DDX10: variants seen among roughly 807,000 people sequenced by gnomAD.
DDX10 encodes probable ATP-dependent RNA helicase DDX10.
Under a neutral mutation model 104.3 loss-of-function variants are expected in DDX10, and 74 were observed. The observed-to-expected ratio is 0.71, with a 90% CI of 0.59 to 0.86. The LOEUF is 0.86. Ranked by LOEUF, DDX10 falls within the 40% of genes least tolerant of loss-of-function variation. The pLI is 0.00. For synonymous variants in DDX10, 351 were observed against 353.4 expected (o/e 0.99, Z 0.08); for missense variants, 952 against 1,040.0 (o/e 0.92, Z 1.16).
At chr11:108,671,041 G>C (rs1421972516) in intron 1 of DDX10, among the ~76,000 whole-genome samples, 1 of 152,144 alleles carries the variant, frequency 6.6e-6, no homozygotes, top group South Asian at 2.1e-4. Flanking sequence ...CTTTAATAAG[G>C]ACCATCCCTG....
At chr11:108,692,127 A>C (rs1339496465) in intron 8 of DDX10, 89 bp downstream of exon 8, 1 of 1,200,632 alleles carries the variant, frequency 8.3e-7, no homozygotes, top group Non-Finnish European at 1.1e-6. Context: ...GATAGACTCA[A>C]ACACTTGGGT....
At chr11:108,897,101 T>C (rs1863451914) in intron 16 of DDX10, among the ~76,000 whole-genome samples, 1 of 152,102 alleles carries the variant, frequency 6.6e-6, no homozygotes, top group Non-Finnish European at 1.5e-5. Flanking sequence ...TCCAAGTGAC[T>C]CAACACCAAA....
intron 13 of DDX10, among the ~76,000 whole-genome samples, chr11:108,792,256 T>G (rs1261865459): frequency 6.6e-6 from 1 of 152,174 alleles, no homozygotes; most frequent in Non-Finnish European, 1.5e-5. Context: ...AAGCACAAAG[T>G]TTTTAATTTT....
intron 16 of DDX10, among the ~76,000 whole-genome samples, chr11:108,886,831 T>A (rs1401865624): frequency 6.6e-6 from 1 of 152,212 alleles, no homozygotes; most frequent in African/African-American, 2.4e-5. Flanking sequence ...CTAATCTCAT[T>A]CATGACTGAT....
At position 108,723,161 on chromosome 11, in the gene DDX10, A is replaced by G; in HGVS notation, c.1664A>G (p.Lys555Arg). The G allele has an allele frequency of 6.2e-7, 1 of 1,613,906 alleles. No individual in the cohort carries two copies. The highest frequency in any genetic ancestry group is 8.5e-7 in the Non-Finnish European group (1 of 1,179,904). ...VEEFRAYFNE[K>R]MSILQKGGKR... The stretch of plus-strand genomic sequence containing the variant: ...GAATTTAGAGCCTACTTCAATGAGA[A>G]AATGTCCATCCTTCAAAAAGGTGGA... Residue 555 changes from lysine to arginine, a missense_variant, in exon 13 of 18, where the codon AAA becomes AGA. By Grantham distance (26) the Lys-to-Arg change is conservative. Around this residue, in one of 3 missense-constraint regions of DDX10, gnomAD observed 533 missense variants for 534.1 expected, o/e 1.00. Coordinates refer to ENST00000322536, the MANE Select transcript of DDX10 (RefSeq NM_004398.4).
At chr11:108,783,821 C>G (rs1861745908) in intron 13 of DDX10, among the ~76,000 whole-genome samples, 1 of 152,166 alleles carries the variant, frequency 6.6e-6, no homozygotes. Flanking sequence ...TTTCCTCTCT[C>G]CCGCATTTAG....
At chr11:108,908,240 CTA>C (rs1863622793) in intron 16 of DDX10, among the ~76,000 whole-genome samples, 2 of 152,108 alleles carry the variant, frequency 1.3e-5, no homozygotes, top group South Asian at 4.1e-4. Context: ...AATTTAAAAA[CTA>C]TGAAGAATTA....
chr11:108,904,303 A>G (rs964406529), intron 16 of DDX10, among the ~76,000 whole-genome samples: 6 of 152,178 alleles, frequency 3.9e-5, no homozygotes, highest in East Asian at 1.9e-4. Context: ...CATTCCATTC[A>G]GTGGTATCAA....
intron 16 of DDX10, among the ~76,000 whole-genome samples, chr11:108,907,942 A>G (rs2134654832): frequency 6.6e-6 from 1 of 152,386 alleles, no homozygotes; most frequent in South Asian, 2.1e-4. Flanking sequence ...TGATGGGGCC[A>G]GGCTGTTAAA....
At chr11:108,800,679 A>G (rs1358239541) in intron 13 of DDX10, among the ~76,000 whole-genome samples, 1 of 152,140 alleles carries the variant, frequency 6.6e-6, no homozygotes, top group African/African-American at 2.4e-5. Context: ...ATGGGAAACT[A>G]TTGTTTCCCA....
intron 13 of DDX10, among the ~76,000 whole-genome samples, chr11:108,788,199 T>G (rs1354128896): frequency 1.3e-5 from 2 of 152,186 alleles, no homozygotes; most frequent in Non-Finnish European, 2.9e-5. Context: ...ACACACTGGC[T>G]TTTTGAGTTG....
intron 13 of DDX10, among the ~76,000 whole-genome samples, chr11:108,796,400 A>C (rs1225836754): frequency 6.6e-6 from 1 of 152,012 alleles, no homozygotes; most frequent in African/African-American, 2.4e-5. Flanking sequence ...CAGATTTATT[A>C]TTTTTCTTCC....
chr11:108,859,457 A>AAT (rs397788670), intron 16 of DDX10, among the ~76,000 whole-genome samples: 1 of 151,632 alleles, frequency 6.6e-6, no homozygotes, highest in Non-Finnish European at 1.5e-5. Flanking sequence ...GTAAAAAAAA[A>AAT]GGGCTGTGTG....
chr11:108,935,371 G>T (rs1864023713), intron 17 of DDX10, among the ~76,000 whole-genome samples: 2 of 152,128 alleles, frequency 1.3e-5, no homozygotes, highest in South Asian at 2.1e-4. Context: ...ACAGAGGCAG[G>T]CTTATACCAG....
chr11:108,838,670 A>G (rs1392636057), intron 14 of DDX10, 105 bp downstream of exon 14: 2 of 1,312,592 alleles, frequency 1.5e-6, no homozygotes, highest in Admixed American at 2.4e-5. Context: ...ATGTTTCTCT[A>G]CAGCATGCTG....
chr11:108,666,229 A>T (rs2094209931), intron 1 of DDX10, among the ~76,000 whole-genome samples: 1 of 152,172 alleles, frequency 6.6e-6, no homozygotes, highest in African/African-American at 2.4e-5. Flanking sequence ...ACAAATTACC[A>T]CAAACTTGGC....
At chr11:108,678,660 C>T (rs931578931) in intron 5 of DDX10, among the ~76,000 whole-genome samples, 3 of 152,006 alleles carry the variant, frequency 2.0e-5, no homozygotes, top group Non-Finnish European at 2.9e-5. Context: ...AAATTAGGCA[C>T]GTTAGTATTA....
At chr11:108,791,100 G>GT (rs1861865204) in intron 13 of DDX10, among the ~76,000 whole-genome samples, 1 of 152,240 alleles carries the variant, frequency 6.6e-6, no homozygotes, top group Non-Finnish European at 1.5e-5. Context: ...AGAGATACTA[G>GT]TGTGACTTCC....
chr11:108,927,511 A>G (rs1295530268), intron 17 of DDX10, among the ~76,000 whole-genome samples: 1 of 152,016 alleles, frequency 6.6e-6, no homozygotes, highest in East Asian at 1.9e-4. Context: ...TTTAGTGCTC[A>G]CTCCACTAGA....
Sources: allele counts gnomAD v4.1 joint callset (sites outside exome capture counted in the v4.1 genomes callset), GRCh38; gene constraint gnomAD v4.1.1; regional missense constraint gnomAD v4.1.1; transcripts MANE v1.5; gene names NCBI Gene and HGNC (gene_info 2026-07-23, HGNC 2026-07-21).